Variants in UBE2E1 observed in about 807,000 individuals in gnomAD.
UBE2E1 encodes the protein ubiquitin conjugating enzyme E2 E1.
A neutral mutation model predicts 21.4 loss-of-function variants in UBE2E1; 6 were observed. The ratio of observed to expected loss-of-function variants is 0.28; its 90% CI spans 0.15 to 0.55. The LOEUF is 0.55. Ranked by LOEUF, UBE2E1 falls within the 20% of genes least tolerant of loss-of-function variation. UBE2E1 has a pLI of 0.93. For synonymous variants in UBE2E1, 87 were observed against 82.7 expected (o/e 1.05, Z -0.28); for missense variants, 142 against 236.5 (o/e 0.60, Z 2.62).
chr3:23,829,469 T>G (rs1187062684), intron 3 of UBE2E1, among the ~76,000 whole-genome samples: 1 of 152,056 alleles, frequency 6.6e-6, no homozygotes, highest in Non-Finnish European at 1.5e-5. Context: ...CCCAGCTGTT[T>G]TCTAAATTTT....
intron 3 of UBE2E1, among the ~76,000 whole-genome samples, chr3:23,865,751 T>TA (rs1442274532): frequency 6.6e-6 from 1 of 152,218 alleles, no homozygotes; most frequent in Non-Finnish European, 1.5e-5. Flanking sequence ...AACCAACTGA[T>TA]ACCAACATGA....
At chr3:23,845,033 A>G (rs753978278) in intron 3 of UBE2E1, among the ~76,000 whole-genome samples, 1 of 152,204 alleles carries the variant, frequency 6.6e-6, no homozygotes, top group Non-Finnish European at 1.5e-5. Context: ...ACAAGGAGGT[A>G]AATAAAACCG....
chr3:23,810,520 G>A lies in UBE2E1; in HGVS notation c.153-940G>A. 1.3e-6 allele frequency: 2 copies of A among 1,535,400 alleles called. No individual in the cohort carries two copies. The highest frequency in any genetic ancestry group is 1.7e-6 in the Non-Finnish European group (2 of 1,146,496). On this transcript the variant is annotated intron_variant, in intron 2 of 5. Transcript: ENST00000306627. The surrounding 1 kb of genome is among the most constrained non-coding windows in gnomAD (Gnocchi z 5.8). ...CCCGGGAAGTTAGAGGACGCCCGGGGAAAAGCAGGTCCGGGGAGGTGGGCC... is the reference window on the plus strand; with the variant it reads ...CCCGGGAAGTTAGAGGACGCCCGGGAAAAAGCAGGTCCGGGGAGGTGGGCC...
intron 3 of UBE2E1, among the ~76,000 whole-genome samples, chr3:23,841,734 A>G (rs559875107): frequency 6.6e-6 from 1 of 152,316 alleles, no homozygotes; most frequent in South Asian, 2.1e-4. Context: ...CCACATGACT[A>G]TTACCTTTGA....
In UBE2E1 at chr3:23,887,536, A is replaced by G. The variant is rs1275792608; in HGVS notation, c.204-31A>G. ...CTGTAAAAATTGGGATAGTGCCACC[A>G]TCTGCTTATTTGTTGACGTATTATT... On this transcript the variant is annotated intron_variant, in intron 3 of 5. Coordinates refer to ENST00000306627, the MANE Select transcript of UBE2E1 (RefSeq NM_003341.5). This position sits in a 1 kb window ranked among gnomAD's most constrained non-coding sequence, Gnocchi z 4.4. 2 of 1,589,702 alleles carry G rather than the reference A, an allele frequency of 1.3e-6. No individual in the cohort carries two copies. Among genetic ancestry groups the G allele is most frequent in the Non-Finnish European group, 1.7e-6 (2 of 1,171,840 alleles).
intron 3 of UBE2E1, among the ~76,000 whole-genome samples, chr3:23,832,532 C>T (rs1699890994): frequency 1.3e-5 from 2 of 152,110 alleles, no homozygotes; most frequent in Non-Finnish European, 2.9e-5. Flanking sequence ...GTAATCCCAG[C>T]TACTCAGGAG....
intron 4 of UBE2E1, chr3:23,888,264 G>A: frequency 2.2e-6 from 1 of 457,152 alleles, no homozygotes; most frequent in South Asian, 1.5e-5. Context: ...TAGGACAGGT[G>A]AGGATTGCCC....
In UBE2E1 at chr3:23,889,123, G is replaced by C; in HGVS notation, c.348G>C (p.Arg116=). ...YPFKPPKVTF[R]TRIYHCNINS... ...CTTGTTTTTTTTAGGTTACATTTCG[G>C]ACAAGAATCTATCATTGTAATATTA... Residue 116 remains arginine, a synonymous_variant, in exon 5 of 6, where the codon CGG becomes CGC. Coordinates refer to ENST00000306627, the MANE Select transcript of UBE2E1 (RefSeq NM_003341.5). 1 of 1,590,746 alleles carries C rather than the reference G, an allele frequency of 6.3e-7. No homozygotes were observed. Among genetic ancestry groups the C allele is most frequent in the Non-Finnish European group, 8.5e-7 (1 of 1,171,600 alleles).
Position 23,806,910 on chromosome 3 carries a change from G to T in UBE2E1, c.-33-327G>T, listed in dbSNP as rs1699288532. ...CGGGACCTTCCCTCCCTGCCCCGCC[G>T]TGGCGCCCCGCGCCCCCCGCCCTGC... On this transcript the variant is annotated intron_variant, in intron 1 of 5. Coordinates refer to ENST00000306627, the MANE Select transcript of UBE2E1 (RefSeq NM_003341.5). The surrounding 1 kb of genome is among the most constrained non-coding windows in gnomAD (Gnocchi z 6.5). 5.8e-6 allele frequency: 1 copy of T among 172,732 alleles called. No individual in the cohort carries two copies. The highest frequency in any genetic ancestry group is 6.4e-5 in the Admixed American group (1 of 15,740). The allele number at this position is 172,732 out of a possible 1,614,324, so 10.7% of individuals were successfully genotyped here.
chr3:23,807,608 C>A, intron 2 of UBE2E1, 187 bp downstream of exon 2: 1 of 646,036 alleles, frequency 1.5e-6, no homozygotes, highest in Non-Finnish European at 2.3e-6. Flanking sequence ...AATCATTGCT[C>A]ACATGCAGCT....
In UBE2E1 at chr3:23,810,631, C is replaced by A; in HGVS notation, c.153-829C>A. 1 of 1,143,502 alleles carries A rather than the reference C, an allele frequency of 8.7e-7. No homozygotes were observed. The highest frequency in any genetic ancestry group is 1.2e-6 in the Non-Finnish European group (1 of 839,640). 70.8% of individuals were successfully genotyped at this position (1,143,502 alleles called of 1,614,324 possible). A position where few individuals can be genotyped will look rare whatever the true frequency, so the allele number is the denominator to read the frequency against. ...CCGGCCACTTGGGGTCTGTGGTGCC[C>A]GAGTGGCGGGCGGGGGTGTTCGCGC... On this transcript the variant is annotated intron_variant, in intron 2 of 5. Transcript: ENST00000306627. This position sits in a 1 kb window ranked among gnomAD's most constrained non-coding sequence, Gnocchi z 5.8.
chr3:23,847,225 T>C (rs991353505), intron 3 of UBE2E1, among the ~76,000 whole-genome samples: 13 of 152,142 alleles, frequency 8.5e-5, no homozygotes, highest in African/African-American at 3.1e-4. Flanking sequence ...AGTGATCTTA[T>C]ACACCAGTCA....
rs1701205128 is a variant in UBE2E1, at chr3:23,887,100, C to CT, written c.204-463dup. On this transcript the variant is annotated intron_variant, in intron 3 of 5. Coordinates refer to ENST00000306627, the MANE Select transcript of UBE2E1 (RefSeq NM_003341.5). This position sits in a 1 kb window ranked among gnomAD's most constrained non-coding sequence, Gnocchi z 4.4. ...TACATTATAAACCATCTATTAGATT[C>CT]TTTTAAAGGTGAGATTATGGAGATA... 6.6e-6 allele frequency among the ~76,000 whole-genome samples: 1 copy of CT among 152,154 alleles called. No individual in the cohort carries two copies. Among genetic ancestry groups the CT allele is most frequent in the South Asian group, 2.1e-4 (1 of 4,834 alleles).
Position 23,851,696 on chromosome 3 carries a change from A to G in UBE2E1, c.204-35871A>G, listed in dbSNP as rs141374684. 9.7e-3 allele frequency among the ~76,000 whole-genome samples: 1,472 copies of G among 152,216 alleles called. 22 individuals are homozygous for G. Among genetic ancestry groups the G allele is most frequent in the African/African-American group, 0.033 (1,362 of 41,532 alleles). On this transcript the variant is annotated intron_variant, in intron 3 of 5. Coordinates refer to ENST00000306627, the MANE Select transcript of UBE2E1 (RefSeq NM_003341.5). ...GCACATCTGTAGTGCCAGCTAGTCA[A>G]GAGGCTGAGGTGGGAAGATCAGTTG...
At chr3:23,829,944 G>A (rs1310544935) in intron 3 of UBE2E1, among the ~76,000 whole-genome samples, 1 of 152,102 alleles carries the variant, frequency 6.6e-6, no homozygotes, top group Non-Finnish European at 1.5e-5. Flanking sequence ...GCATTGTCAG[G>A]ATATGGGTAT....
chr3:23,858,985 T>TC (rs1700497660), intron 3 of UBE2E1, among the ~76,000 whole-genome samples: 1 of 152,202 alleles, frequency 6.6e-6, no homozygotes. Context: ...TGTTGGACAG[T>TC]CCCCCACCCC....
intron 3 of UBE2E1, among the ~76,000 whole-genome samples, chr3:23,845,327 G>A (rs2125303208): frequency 6.6e-6 from 1 of 152,252 alleles, no homozygotes; most frequent in South Asian, 2.1e-4. Context: ...AGGCTGAATT[G>A]GCTATGCACA....
chr3:23,854,069 C>A (rs1700385458), intron 3 of UBE2E1, among the ~76,000 whole-genome samples: 1 of 151,962 alleles, frequency 6.6e-6, no homozygotes, highest in African/African-American at 2.4e-5. Context: ...ACCAGTCTGG[C>A]CAACATGGCG....
At chr3:23,884,193 C>A (rs1249542946) in intron 3 of UBE2E1, among the ~76,000 whole-genome samples, 1 of 151,054 alleles carries the variant, frequency 6.6e-6, no homozygotes, top group East Asian at 1.9e-4. Context: ...CTACTTTTTT[C>A]TGAACTTTCA....
Sources: gnomAD v4.1 joint callset for allele counts (sites outside exome capture counted in the v4.1 genomes callset) on GRCh38, gnomAD v4.1.1 for gene constraint, Gnocchi (gnomAD v3.1) non-coding constraint, MANE v1.5 for transcripts, NCBI Gene and HGNC (gene_info 2026-07-23, HGNC 2026-07-21) for gene names.